The following GPHN variants were observed in gnomAD, a reference collection of about 807,000 sequenced individuals.
The protein encoded by GPHN is gephyrin.
In GPHN, 17 loss-of-function variants were observed where a neutral mutation model predicts 95.5. The ratio of observed to expected loss-of-function variants is 0.18; its 90% CI spans 0.12 to 0.27. The LOEUF (loss-of-function observed/expected upper bound fraction) is 0.27, where lower values mean the gene tolerates loss of function less well. Ranked by LOEUF, GPHN falls within the 10% of genes least tolerant of loss-of-function variation. The pLI is 1.00. For missense variants in GPHN, 660 were observed against 978.1 expected (o/e 0.67, Z 4.34); for synonymous variants, 320 against 322.5 (o/e 0.99, Z 0.08).
At chr14:66,877,341 C>T (rs1237825114) in intron 4 of GPHN, among the ~76,000 whole-genome samples, 1 of 152,168 alleles carries the variant, frequency 6.6e-6, no homozygotes, top group East Asian at 1.9e-4. Flanking sequence ...CAAGGATGCC[C>T]TCTCTCACCA....
chr14:67,339,707 A>G, the GPHN span, among the ~76,000 whole-genome samples: 1 of 152,210 alleles, frequency 6.6e-6, no homozygotes, highest in Admixed American at 6.5e-5. Flanking sequence ...CTTCTCCTGA[A>G]CATGAAATAC....
rs562014377 is a variant in GPHN, at chr14:66,921,922, C to G, written c.457-744C>G. ...AATAAAATCAAAAACTTAGAGCCAA[C>G]TGATCTTCGACAAAGCAAACAAAAA... On this transcript the variant is annotated intron_variant, in intron 6 of 22. Transcript: ENST00000478722. 2.0e-5 allele frequency among the ~76,000 whole-genome samples: 3 copies of G among 152,222 alleles called. No individual in the cohort carries two copies. In the South Asian group the frequency reaches 6.2e-4, roughly 32 times the overall value.
intron 1 of GPHN, among the ~76,000 whole-genome samples, chr14:66,648,187 A>T (rs2064854340): frequency 6.6e-6 from 1 of 152,148 alleles, no homozygotes; most frequent in South Asian, 2.1e-4. Flanking sequence ...AGTGGGGTAG[A>T]TATTTTTTTA....
chr14:67,158,377 T>C (rs538277156), intron 18 of GPHN, among the ~76,000 whole-genome samples: 51 of 152,158 alleles, frequency 3.4e-4, no homozygotes, highest in Non-Finnish European at 6.5e-4. Flanking sequence ...TATAGTCACT[T>C]GATCAAATTT....
At chr14:66,791,974 C>T (rs1019764196) in intron 3 of GPHN, among the ~76,000 whole-genome samples, 1 of 152,172 alleles carries the variant, frequency 6.6e-6, no homozygotes, top group Non-Finnish European at 1.5e-5. Flanking sequence ...TACATGGTGA[C>T]AGGCAAGAGA....
At chr14:66,652,172 T>G (rs1273450665) in intron 1 of GPHN, among the ~76,000 whole-genome samples, 1 of 152,060 alleles carries the variant, frequency 6.6e-6, no homozygotes, top group African/African-American at 2.4e-5. Flanking sequence ...ATGCAACAAA[T>G]ATTTATTAAA....
chr14:67,104,545 A>T (rs1383645215), intron 13 of GPHN, among the ~76,000 whole-genome samples: 1 of 151,714 alleles, frequency 6.6e-6, no homozygotes, highest in South Asian at 2.1e-4. Flanking sequence ...CTCATGATTG[A>T]TCTGTTCAGG....
chr14:66,762,258 A>G (rs2058785967), intron 2 of GPHN, among the ~76,000 whole-genome samples: 1 of 152,148 alleles, frequency 6.6e-6, no homozygotes, highest in Non-Finnish European at 1.5e-5. Flanking sequence ...TTAATATACT[A>G]ATTACCAATG....
chr14:67,542,081 G>C, the GPHN span: 2 of 1,258,522 alleles, frequency 1.6e-6, no homozygotes, highest in Non-Finnish European at 1.1e-6. Flanking sequence ...GTTGCGGAAA[G>C]TCAACTTTCA....
the GPHN span, chr14:67,570,072 T>C: frequency 8.6e-7 from 1 of 1,156,718 alleles, no homozygotes; most frequent in Non-Finnish European, 1.3e-6. Context: ...GGCCTCATCA[T>C]CCAATGACTG....
At chr14:66,600,839 C>T (rs1310618589) in intron 1 of GPHN, among the ~76,000 whole-genome samples, 7 of 152,054 alleles carry the variant, frequency 4.6e-5, no homozygotes, top group African/African-American at 1.7e-4. Context: ...TCAGTTTCAG[C>T]TGATAGGATG....
the GPHN span, among the ~76,000 whole-genome samples, chr14:67,683,492 G>A: frequency 3.0e-4 from 46 of 152,288 alleles, 1 homozygote; most frequent in African/African-American, 1.1e-3. Context: ...GTTACTCTTT[G>A]GCTGAACATT....
Position 66,508,589 on chromosome 14 carries a change from C to T in GPHN, c.62C>T (p.Thr21Ile). The change falls in exon 1 of 23, where the codon ACA (threonine) becomes ATA (isoleucine). Residue 21 changes from threonine to isoleucine, a missense_variant and splice_region_variant. Thr to Ile is a moderately conservative substitution (Grantham distance 89). Around this residue, in one of 6 missense-constraint regions of GPHN, gnomAD observed 92 missense variants for 91.9 expected, o/e 1.00. Transcript: ENST00000478722. ...CATCAAATCCGTGTCGGAGTCCTTA[C>T]AGGTAACCGGGGGAGGAGGTCTGGG... Reference protein sequence around the residue: ...HDHQIRVGVLTVSDSCFRNLA... With the variant: ...HDHQIRVGVLIVSDSCFRNLA... 1 of 1,613,102 alleles carries T rather than the reference C, an allele frequency of 6.2e-7. No homozygotes were observed. Among genetic ancestry groups the T allele is most frequent in the Non-Finnish European group, 8.5e-7 (1 of 1,179,024 alleles).
At chr14:67,597,470 C>G in the GPHN span, among the ~76,000 whole-genome samples, 1 of 151,308 alleles carries the variant, frequency 6.6e-6, no homozygotes, top group South Asian at 2.1e-4. Flanking sequence ...AGAGTGAGAA[C>G]CTGTCTCAAA....
At chr14:67,223,657 A>G in the GPHN span, 1 of 890,620 alleles carries the variant, frequency 1.1e-6, no homozygotes. Flanking sequence ...CGTTTTCCAC[A>G]AAGTATTAAT....
At chr14:67,444,053 C>T in the GPHN span, among the ~76,000 whole-genome samples, 1 of 152,176 alleles carries the variant, frequency 6.6e-6, no homozygotes, top group Non-Finnish European at 1.5e-5. Context: ...AACCATTTGT[C>T]TCTTATCCAC....
intron 1 of GPHN, among the ~76,000 whole-genome samples, chr14:66,612,650 ACC>A (rs941015346): frequency 6.6e-6 from 1 of 151,994 alleles, no homozygotes; most frequent in Admixed American, 6.6e-5. Flanking sequence ...AACACATGAA[ACC>A]CAATCCCCCT....
chr14:67,183,393 A>G (rs978125372), downstream of GPHN, among the ~76,000 whole-genome samples: 5 of 152,132 alleles, frequency 3.3e-5, no homozygotes, highest in South Asian at 2.1e-4. Context: ...CACTTTACAT[A>G]TGTTCAATTT....
At chr14:66,539,920 A>G (rs2059293548) in intron 1 of GPHN, among the ~76,000 whole-genome samples, 1 of 152,172 alleles carries the variant, frequency 6.6e-6, no homozygotes, top group African/African-American at 2.4e-5. Flanking sequence ...TAAAAATTGG[A>G]TTGAAATTCA....
Sources: allele counts gnomAD v4.1 joint callset (sites outside exome capture counted in the v4.1 genomes callset), GRCh38; gene constraint gnomAD v4.1.1; regional missense constraint gnomAD v4.1.1; transcripts MANE v1.5; gene names NCBI Gene and HGNC (gene_info 2026-07-23, HGNC 2026-07-21).